Variants in CBLB observed in about 807,000 individuals in gnomAD.
The protein encoded by CBLB is E3 ubiquitin-protein ligase CBL-B.
A neutral mutation model predicts 104.9 loss-of-function variants in CBLB; 31 were observed. The observed-to-expected ratio is 0.30, with a 90% CI of 0.22 to 0.40. The LOEUF (loss-of-function observed/expected upper bound fraction) is 0.40, where lower values mean the gene tolerates loss of function less well. CBLB is among the 10% of genes least tolerant of loss of function. The probability of loss-of-function intolerance (pLI) is 1.00; values close to 1 mark genes in which losing one functional copy is unlikely to be tolerated. For missense variants in CBLB, 1,062 were observed against 1,214.6 expected (o/e 0.87, Z 1.87); for synonymous variants, 440 against 422.6 (o/e 1.04, Z -0.51).
intron 14 of CBLB, 82 bp from the exon 15 acceptor site, chr3:105,681,900 T>C: frequency 2.5e-6 from 2 of 800,112 alleles, no homozygotes; most frequent in Non-Finnish European, 4.3e-6. Flanking sequence ...GGAACTAGTA[T>C]TCCTGTTTAT....
At chr3:105,779,006 C>A (rs1032843857) in intron 3 of CBLB, among the ~76,000 whole-genome samples, 1 of 152,024 alleles carries the variant, frequency 6.6e-6, no homozygotes, top group African/African-American at 2.4e-5. Flanking sequence ...TATAATTGGG[C>A]TAAAGATTTA....
At chr3:105,836,704 A>G (rs2088573221) in intron 3 of CBLB, among the ~76,000 whole-genome samples, 1 of 152,144 alleles carries the variant, frequency 6.6e-6, no homozygotes, top group Admixed American at 6.5e-5. Context: ...CACACTAGTT[A>G]ACTTACAAAA....
At chr3:105,843,174 G>T (rs1430405306) in intron 3 of CBLB, among the ~76,000 whole-genome samples, 1 of 152,182 alleles carries the variant, frequency 6.6e-6, no homozygotes, top group East Asian at 1.9e-4. Flanking sequence ...TGTACAGTTT[G>T]CTGACCCATG....
chr3:105,670,027 G>A (rs1018516488), intron 18 of CBLB, among the ~76,000 whole-genome samples: 14 of 152,052 alleles, frequency 9.2e-5, no homozygotes, highest in Admixed American at 6.6e-5. Flanking sequence ...ATAATATTAA[G>A]CTTAATATTT....
chr3:105,685,284 C>T, intron 14 of CBLB, 36 bp downstream of exon 14: 2 of 1,559,418 alleles, frequency 1.3e-6, no homozygotes, highest in Non-Finnish European at 1.8e-6. Flanking sequence ...AATGCTTATG[C>T]AGATGTAAGT....
In CBLB at chr3:105,659,211, G is replaced by A. The variant is rs2152660106; in HGVS notation, c.2708C>T (p.Ala903Val). 1 of 1,613,882 alleles carries A rather than the reference G, an allele frequency of 6.2e-7. No individual in the cohort carries two copies. Among genetic ancestry groups the A allele is most frequent in the Middle Eastern group, 1.7e-4 (1 of 6,058 alleles). ...GCGCGGTCGTGGTTTAGGGGGTCTGGCTGGTGCCTGTGAACCATCTGTGTA... is the reference window on the plus strand; with the variant it reads ...GCGCGGTCGTGGTTTAGGGGGTCTGACTGGTGCCTGTGAACCATCTGTGTA... The part of the protein sequence containing the change: ...PSCSDGSQAP[A>V]RPPKPRPRRT... Residue 903 changes from alanine to valine, a missense_variant, in exon 19 of 19, where the codon GCC becomes GTC. Coordinates refer to ENST00000394030, the MANE Select transcript of CBLB (RefSeq NM_170662.5).
Position 105,720,056 on chromosome 3 carries a change from G to A in CBLB, c.1398C>T (p.Asn466=), listed in dbSNP as rs56009631. The A allele has an allele frequency of 2.0e-5, 33 of 1,612,906 alleles. No homozygotes were observed. The East Asian group carries it at 2.7e-4, about 13-fold the overall frequency. ...ATGTTTCTAGTTTTACCTTTCGGAC[G>A]TTTGCCAACCGATTCATCATCAAGG... ...EESLMMNRLA[N]VRKCTDRQNS... The change falls in exon 10 of 19, where the codon AAC becomes AAT. Residue 466 remains asparagine, a synonymous_variant. Coordinates refer to ENST00000394030, the MANE Select transcript of CBLB (RefSeq NM_170662.5).
chr3:105,832,688 A>T (rs2087744283), intron 3 of CBLB, among the ~76,000 whole-genome samples: 1 of 152,228 alleles, frequency 6.6e-6, no homozygotes, highest in South Asian at 2.1e-4. Flanking sequence ...TCTTGTCCAT[A>T]TAAAGGTCTA....
chr3:105,680,275 C>T (rs373892751), intron 16 of CBLB, among the ~76,000 whole-genome samples: 8 of 152,074 alleles, frequency 5.3e-5, no homozygotes, highest in Admixed American at 2.6e-4. Context: ...AAAAATGACA[C>T]GCATAAGAAG....
intron 17 of CBLB, among the ~76,000 whole-genome samples, chr3:105,675,347 A>C (rs1473932575): frequency 6.6e-6 from 1 of 152,182 alleles, no homozygotes; most frequent in African/African-American, 2.4e-5. Flanking sequence ...TAGCATTTAT[A>C]GCATATTCTT....
At chr3:105,759,743 TG>T (rs1307642318) in intron 4 of CBLB, among the ~76,000 whole-genome samples, 1 of 152,142 alleles carries the variant, frequency 6.6e-6, no homozygotes, top group Non-Finnish European at 1.5e-5. Context: ...CCAAGCCTGC[TG>T]GGGTAGGGGG....
At position 105,803,506 on chromosome 3, in the gene CBLB, C is replaced by T. The variant is rs2083141225; in HGVS notation, c.420-26964G>A. Among the ~76,000 whole-genome samples the T allele has an allele frequency of 2.6e-5, 4 of 152,238 alleles. No homozygotes were observed. The South Asian group carries it at 8.3e-4, about 32-fold the overall frequency. On this transcript the variant is annotated intron_variant, in intron 3 of 18. Transcript: ENST00000394030. Reference sequence around the variant, plus strand: ...GATTCAAAAGTCAGTAAAAAGAAGCCTAACTCAAAGCAATGTTTATAACTT... The same window carrying T: ...GATTCAAAAGTCAGTAAAAAGAAGCTTAACTCAAAGCAATGTTTATAACTT...
intron 7 of CBLB, 97 bp downstream of exon 7, chr3:105,740,397 A>T (rs2075405326): frequency 4.0e-6 from 5 of 1,260,600 alleles, no homozygotes; most frequent in African/African-American, 1.5e-5. Context: ...CTTAACATAA[A>T]AAGCAGCCTT....
chr3:105,868,673 T>C, intron 1 of CBLB, 63 bp downstream of exon 1: 1 of 984,176 alleles, frequency 1.0e-6, no homozygotes, highest in South Asian at 4.8e-5. Context: ...CGCGCCTGGC[T>C]ACCCCGGGCC....
intron 5 of CBLB, 82 bp from the exon 6 acceptor site, chr3:105,746,120 A>G (rs2076078281): frequency 2.2e-6 from 2 of 925,682 alleles, no homozygotes; most frequent in Admixed American, 2.0e-5. Context: ...TATTTAATAC[A>G]CTTAACATTA....
intron 18 of CBLB, among the ~76,000 whole-genome samples, chr3:105,661,435 A>G (rs1576091653): frequency 1.3e-5 from 2 of 152,316 alleles, no homozygotes; most frequent in African/African-American, 4.8e-5. Context: ...TCCTTTAATC[A>G]ATTACCAAAA....
intron 3 of CBLB, among the ~76,000 whole-genome samples, chr3:105,819,984 T>G (rs1380482388): frequency 6.6e-6 from 1 of 152,156 alleles, no homozygotes; most frequent in Non-Finnish European, 1.5e-5. Flanking sequence ...TGCACTTGAT[T>G]TCTATTATTA....
At chr3:105,804,618 G>A (rs1410326183) in intron 3 of CBLB, among the ~76,000 whole-genome samples, 1 of 151,160 alleles carries the variant, frequency 6.6e-6, no homozygotes, top group African/African-American at 2.4e-5. Context: ...AAAATAGATT[G>A]TTAAAATTCA....
At chr3:105,813,214 A>C (rs1308539511) in intron 3 of CBLB, among the ~76,000 whole-genome samples, 1 of 152,148 alleles carries the variant, frequency 6.6e-6, no homozygotes, top group African/African-American at 2.4e-5. Flanking sequence ...TCACCTTATA[A>C]TAACACATTG....
Sources: gnomAD v4.1 joint callset for allele counts (sites outside exome capture counted in the v4.1 genomes callset) on GRCh38, gnomAD v4.1.1 for gene constraint, MANE v1.5 for transcripts, NCBI Gene and HGNC (gene_info 2026-07-23, HGNC 2026-07-21) for gene names.